The following SOX6 variants were observed in gnomAD, a reference collection of about 807,000 sequenced individuals.
SOX6 encodes the protein SRY-box transcription factor 6.
Under a neutral mutation model 97.8 loss-of-function variants are expected in SOX6, and 11 were observed. The observed-to-expected ratio is 0.11, with a 90% CI of 0.07 to 0.19. The LOEUF (loss-of-function observed/expected upper bound fraction) is 0.19, where lower values mean the gene tolerates loss of function less well. Ranked by LOEUF, SOX6 falls within the 10% of genes least tolerant of loss-of-function variation. The pLI is 1.00. For missense variants in SOX6, 810 were observed against 1,039.5 expected, an observed-to-expected ratio of 0.78 and a Z score of 3.04; for synonymous variants, 360 against 371.4, an observed-to-expected ratio of 0.97 and a Z score of 0.35.
chr11:16,678,548 G>A (rs1008103900), intron 3 of SOX6, among the ~76,000 whole-genome samples: 2 of 152,176 alleles, frequency 1.3e-5, no homozygotes, highest in South Asian at 2.1e-4. Context: ...CAGAAGATGG[G>A]TGATTTCTGC....
intron 6 of SOX6, among the ~76,000 whole-genome samples, chr11:16,165,873 G>A (rs1850875081): frequency 6.6e-6 from 1 of 151,330 alleles, no homozygotes. Context: ...ACTACAGCCT[G>A]GGCAACAGAG....
intron 7 of SOX6, among the ~76,000 whole-genome samples, chr11:16,106,160 T>C (rs1448689762): frequency 6.6e-6 from 1 of 151,974 alleles, no homozygotes; most frequent in East Asian, 1.9e-4. Flanking sequence ...GCAATCCCTA[T>C]CAAAATTACA....
chr11:16,055,900 T>G lies in SOX6; in HGVS notation c.1103A>C (p.Gln368Pro). 6.2e-7 allele frequency: 1 copy of G among 1,613,566 alleles called. No homozygotes were observed. The highest frequency in any genetic ancestry group is 8.5e-7 in the Non-Finnish European group (1 of 1,179,740). ...GCTGGCCAGCTGAGCGGCATAGAGC[T>G]GCTGCAAAACAGGGAAGACAAACAT... ...GHSYNHKQIE[Q>P]LYAAQLASMQ... Residue 368 changes from glutamine to proline, a missense_variant and splice_region_variant, in exon 10 of 16, where the codon CAG (glutamine) becomes CCG (proline). Coordinates refer to ENST00000683767, the MANE Select transcript of SOX6 (RefSeq NM_001367873.1).
In SOX6 at chr11:15,967,492, T is replaced by C. The variant is rs1223248738; in HGVS notation, c.*5317A>G. 1.3e-5 allele frequency: 2 copies of C among 152,222 alleles called. No individual in the cohort carries two copies. The highest frequency in any genetic ancestry group is 2.9e-5 in the Non-Finnish European group (2 of 68,040). 9.4% of individuals were successfully genotyped at this position (152,222 alleles called of 1,614,324 possible). A position where few individuals can be genotyped will look rare whatever the true frequency, so the allele number is the denominator to read the frequency against. ...AAAAGAGTTACAGTAAGATAAGTTA[T>C]GTAGTAACAGCTTATAAGCTTGTCT... On this transcript the variant is annotated 3_prime_UTR_variant, in exon 16 of 16. Transcript: ENST00000683767.
chr11:16,412,370 T>C (rs1858837953), intron 1 of SOX6, among the ~76,000 whole-genome samples: 1 of 152,246 alleles, frequency 6.6e-6, no homozygotes, highest in African/African-American at 2.4e-5. Flanking sequence ...TATCCATATA[T>C]GCATCCACCA....
At chr11:15,995,129 A>G (rs1854186233) in intron 13 of SOX6, among the ~76,000 whole-genome samples, 1 of 152,148 alleles carries the variant, frequency 6.6e-6, no homozygotes, top group Non-Finnish European at 1.5e-5. Flanking sequence ...ACTCAAATGA[A>G]CCCATGAAAA....
intron 3 of SOX6, among the ~76,000 whole-genome samples, chr11:16,636,059 G>A (rs11024001): frequency 0.33 from 50,691 of 152,074 alleles, 9,404 homozygotes; most frequent in Non-Finnish European, 0.42. Context: ...CCCCAATGGG[G>A]CACTGCCTAG....
Position 16,604,348 on chromosome 11 carries a change from C to A in SOX6, n.609+7733G>T, listed in dbSNP as rs1409626953. On this transcript the variant is annotated intron_variant and non_coding_transcript_variant, in intron 4 of 5. Coordinates refer to the SOX6 transcript ENST00000524520. ...ACCCACCTCCTAGAAATAAACTGGG[C>A]GGGGCTGTGTCTGTTCTCCTCGGGA... Among the ~76,000 whole-genome samples, 7 of 152,168 alleles carry A rather than the reference C, an allele frequency of 4.6e-5. No homozygotes were observed. In the South Asian group the frequency reaches 6.2e-4, roughly 14 times the overall value.
chr11:16,197,407 G>A (rs1851812641), intron 4 of SOX6, among the ~76,000 whole-genome samples: 1 of 152,142 alleles, frequency 6.6e-6, no homozygotes, highest in Non-Finnish European at 1.5e-5. Flanking sequence ...TATAATCATA[G>A]ATAGCTCATA....
intron 13 of SOX6, among the ~76,000 whole-genome samples, chr11:15,998,993 C>A (rs949757684): frequency 6.6e-6 from 1 of 152,024 alleles, no homozygotes; most frequent in East Asian, 1.9e-4. Context: ...AAAGCACATA[C>A]TGGAAAAAAT....
chr11:16,217,716 A>G (rs973181898), intron 4 of SOX6, among the ~76,000 whole-genome samples: 1 of 152,132 alleles, frequency 6.6e-6, no homozygotes, highest in Non-Finnish European at 1.5e-5. Context: ...GACAGGAGCC[A>G]TGTGCATATG....
intron 4 of SOX6, among the ~76,000 whole-genome samples, chr11:16,509,087 G>C (rs1860835835): frequency 6.6e-6 from 1 of 151,884 alleles, no homozygotes; most frequent in East Asian, 1.9e-4. Flanking sequence ...TGAGGAACTT[G>C]CAGGAAATAA....
At chr11:16,684,021 T>C (rs1021830563) in intron 3 of SOX6, among the ~76,000 whole-genome samples, 20 of 151,982 alleles carry the variant, frequency 1.3e-4, no homozygotes, top group Non-Finnish European at 2.1e-4. Flanking sequence ...GAAATGCAAA[T>C]CAAAACCACA....
chr11:16,144,499 C>T (rs1470827754), intron 6 of SOX6, among the ~76,000 whole-genome samples: 2 of 152,210 alleles, frequency 1.3e-5, no homozygotes, highest in Non-Finnish European at 2.9e-5. Context: ...TAACTAAGAT[C>T]AGAGCAGAAC....
At chr11:16,736,926 T>C (rs894355601) in intron 1 of SOX6, among the ~76,000 whole-genome samples, 4 of 152,362 alleles carry the variant, frequency 2.6e-5, no homozygotes, top group Admixed American at 6.5e-5. Context: ...ACTTATAAAA[T>C]GTAACCCTGA....
chr11:16,324,966 T>G (rs895269470), intron 2 of SOX6, among the ~76,000 whole-genome samples: 1 of 152,054 alleles, frequency 6.6e-6, no homozygotes, highest in African/African-American at 2.4e-5. Flanking sequence ...GGAAATATAG[T>G]TAGATAGAAG....
intron 3 of SOX6, chr11:16,316,417 T>C (rs1855759781): frequency 6.6e-6 from 1 of 151,384 alleles, no homozygotes; most frequent in Admixed American, 6.6e-5. Context: ...ATGCCTGAAT[T>C]TCTGATGTCT....
chr11:16,406,464 T>C (rs530023330), intron 1 of SOX6, among the ~76,000 whole-genome samples: 1 of 152,248 alleles, frequency 6.6e-6, no homozygotes, highest in East Asian at 1.9e-4. Context: ...CTGGGACAAC[T>C]GGTATAATTC....
chr11:16,392,064 C>G (rs1437861396), intron 1 of SOX6, among the ~76,000 whole-genome samples: 1 of 151,736 alleles, frequency 6.6e-6, no homozygotes, highest in Non-Finnish European at 1.5e-5. Flanking sequence ...GAGCTCCAAG[C>G]CATAATTTTA....
Sources: allele counts gnomAD v4.1 joint callset (sites outside exome capture counted in the v4.1 genomes callset), GRCh38; gene constraint gnomAD v4.1.1; transcripts MANE v1.5; gene names NCBI Gene and HGNC (gene_info 2026-07-23, HGNC 2026-07-21).